SMIM13: variants seen among roughly 807,000 people sequenced by gnomAD.
SMIM13 encodes the protein small integral membrane protein 13.
Under a neutral mutation model 5.9 loss-of-function variants are expected in SMIM13, and 3 were observed. The ratio of observed to expected loss-of-function variants is 0.51; its 90% confidence interval spans 0.23 to 1.31. SMIM13 has a LOEUF of 1.31. SMIM13 is among the 40% of genes most tolerant of loss of function. The pLI is 0.18. For missense variants in SMIM13, 85 were observed against 109.9 expected (o/e 0.77, Z 1.01); for synonymous variants, 55 against 46.0 (o/e 1.19, Z -0.79).
intron 1 of SMIM13, among the ~76,000 whole-genome samples, chr6:11,111,452 T>C (rs1758165497): frequency 6.6e-6 from 1 of 152,190 alleles, no homozygotes; most frequent in Non-Finnish European, 1.5e-5. Context: ...GGGGGGCCAT[T>C]AGTGTCTCAG....
chr6:11,104,292 T>A, intron 1 of SMIM13: 1 of 1,551,704 alleles, frequency 6.4e-7, no homozygotes, highest in East Asian at 2.4e-5. Context: ...GGAATTCCCA[T>A]AGATTGGTAT....
intron 1 of SMIM13, among the ~76,000 whole-genome samples, chr6:11,100,948 C>G (rs912832061): frequency 5.3e-5 from 8 of 150,202 alleles, no homozygotes; most frequent in African/African-American, 2.0e-4. Context: ...TTTCATTTTT[C>G]TAGGTCCCTT....
chr6:11,101,456 C>T (rs532773257), intron 1 of SMIM13, among the ~76,000 whole-genome samples: 3 of 152,258 alleles, frequency 2.0e-5, no homozygotes, highest in Middle Eastern at 6.8e-3. Flanking sequence ...AGCTGTTTCT[C>T]GCAATACCAG....
At chr6:11,114,075 A>T (rs1758205251) in intron 1 of SMIM13, among the ~76,000 whole-genome samples, 1 of 150,634 alleles carries the variant, frequency 6.6e-6, no homozygotes, top group Admixed American at 6.6e-5. Flanking sequence ...TGCCCCCAGG[A>T]TTCAAGCGAT....
intron 1 of SMIM13, among the ~76,000 whole-genome samples, chr6:11,108,536 C>T (rs1758121882): frequency 6.6e-6 from 1 of 152,166 alleles, no homozygotes; most frequent in Non-Finnish European, 1.5e-5. Flanking sequence ...TGGGCACTGC[C>T]TTCTTGTGTG....
At position 11,137,982 on chromosome 6, in the gene SMIM13, C is replaced by G. The variant is rs1457360376; in HGVS notation, c.*3380C>G. Reference sequence around the variant, plus strand: ...TGGAATATATAAAGTAATGGATTCACAAAATATGATATCTTAAAACATGTT... The same window carrying G: ...TGGAATATATAAAGTAATGGATTCAGAAAATATGATATCTTAAAACATGTT... On this transcript the variant is annotated 3_prime_UTR_variant, in exon 2 of 2. Transcript: ENST00000416247. 6.6e-6 allele frequency: 1 copy of G among 152,112 alleles called. No individual in the cohort carries two copies. Among genetic ancestry groups the G allele is most frequent in the Non-Finnish European group, 1.5e-5 (1 of 68,022 alleles). 9.4% of individuals were successfully genotyped at this position (152,112 alleles called of 1,614,324 possible).
intron 1 of SMIM13, 75 bp downstream of exon 1, chr6:11,094,464 GTTTT>G: frequency 8.0e-7 from 1 of 1,243,660 alleles, no homozygotes; most frequent in Non-Finnish European, 1.1e-6. Context: ...TTTGTTGTTT[GTTTT>G]TTTGAAAAAA....
intron 1 of SMIM13, among the ~76,000 whole-genome samples, chr6:11,128,186 G>T (rs1758402733): frequency 6.6e-6 from 1 of 152,046 alleles, no homozygotes. Flanking sequence ...GTACTGTTTG[G>T]CTACCACTGT....
intron 1 of SMIM13, among the ~76,000 whole-genome samples, chr6:11,128,422 A>G (rs1257908327): frequency 6.6e-6 from 1 of 151,538 alleles, no homozygotes; most frequent in Non-Finnish European, 1.5e-5. Flanking sequence ...TTCACTGTCT[A>G]CTCTCCTCTC....
At chr6:11,124,306 T>C (rs1161929710) in intron 1 of SMIM13, among the ~76,000 whole-genome samples, 1 of 152,224 alleles carries the variant, frequency 6.6e-6, no homozygotes, top group Admixed American at 6.5e-5. Context: ...TTCATCCATG[T>C]TATTGCAAGT....
intron 1 of SMIM13, among the ~76,000 whole-genome samples, chr6:11,121,606 C>G (rs1438439122): frequency 6.6e-6 from 1 of 152,216 alleles, no homozygotes; most frequent in Non-Finnish European, 1.5e-5. Context: ...CACCCCTCTG[C>G]TGTTATTTGG....
chr6:11,117,757 T>G (rs1263763913), intron 1 of SMIM13, among the ~76,000 whole-genome samples: 2 of 152,034 alleles, frequency 1.3e-5, no homozygotes. Flanking sequence ...TTTTTTTTTT[T>G]TTTTCTTTTT....
chr6:11,104,299 G>C, intron 1 of SMIM13: 2 of 1,551,676 alleles, frequency 1.3e-6, no homozygotes, highest in Non-Finnish European at 1.7e-6. Flanking sequence ...CCATAGATTG[G>C]TATTGGAAGA....
At chr6:11,130,289 T>A (rs1450698756) in intron 1 of SMIM13, among the ~76,000 whole-genome samples, 1 of 143,274 alleles carries the variant, frequency 7.0e-6, no homozygotes, top group African/African-American at 2.6e-5. Context: ...CAACAACAAC[T>A]GGGTGTTTAT....
chr6:11,106,789 T>G (rs996825869), intron 1 of SMIM13, among the ~76,000 whole-genome samples: 3 of 152,218 alleles, frequency 2.0e-5, no homozygotes, highest in Non-Finnish European at 4.4e-5. Flanking sequence ...TCCTTTACTG[T>G]GCACTATTGT....
chr6:11,100,290 G>A (rs1378830929), intron 1 of SMIM13, among the ~76,000 whole-genome samples: 2 of 152,108 alleles, frequency 1.3e-5, no homozygotes, highest in African/African-American at 2.4e-5. Context: ...TCGATCTGCT[G>A]ACCTCGTGAT....
intron 1 of SMIM13, among the ~76,000 whole-genome samples, chr6:11,110,708 G>A (rs746042061): frequency 1.3e-5 from 2 of 152,162 alleles, no homozygotes; most frequent in African/African-American, 2.4e-5. Context: ...CTCATGGAAA[G>A]CCTTCATATG....
intron 1 of SMIM13, among the ~76,000 whole-genome samples, chr6:11,121,928 C>A (rs1318902575): frequency 1.3e-5 from 2 of 152,138 alleles, no homozygotes; most frequent in African/African-American, 4.8e-5. Context: ...TACACCGTCT[C>A]ACTAGTAAAT....
At chr6:11,105,414 A>T (rs982071636) in intron 1 of SMIM13, 5 of 821,774 alleles carry the variant, frequency 6.1e-6, no homozygotes, top group Non-Finnish European at 9.5e-6. Context: ...AATTGCCAGT[A>T]AAATTTCTAG....
Sources: allele counts gnomAD v4.1 joint callset (sites outside exome capture counted in the v4.1 genomes callset), GRCh38; gene constraint gnomAD v4.1.1; transcripts MANE v1.5; gene names NCBI Gene and HGNC (gene_info 2026-07-23, HGNC 2026-07-21).